The following DTNB variants were observed in gnomAD, a reference collection of about 807,000 sequenced individuals.
DTNB encodes dystrobrevin beta, also known as DTN-B.
Under a neutral mutation model 90.7 loss-of-function variants are expected in DTNB, and 63 were observed. The ratio of observed to expected loss-of-function variants is 0.69; its 90% CI spans 0.57 to 0.86. DTNB has a LOEUF of 0.86. Ranked by LOEUF, DTNB falls within the 40% of genes least tolerant of loss-of-function variation. The pLI is 0.00. For missense variants in DTNB, 744 were observed against 807.1 expected (o/e 0.92, Z 0.95); for synonymous variants, 277 against 286.7 (o/e 0.97, Z 0.34).
At chr2:25,386,085 T>C in intron 18 of DTNB, 1 of 985,496 alleles carries the variant, frequency 1.0e-6, no homozygotes, top group Non-Finnish European at 1.2e-6. Context: ...AGCGGGGCCG[T>C]GCTTCTGATG....
At chr2:25,620,949 C>A (rs2072424653) in intron 4 of DTNB, among the ~76,000 whole-genome samples, 3 of 152,166 alleles carry the variant, frequency 2.0e-5, no homozygotes, top group Admixed American at 6.5e-5. Context: ...ACTGCTTGAG[C>A]CCAGGAGTTC....
rs1463373953 is a variant in DTNB, at chr2:25,634,818, C to T, written c.148+4196G>A. Among the ~76,000 whole-genome samples the T allele has an allele frequency of 1.8e-5, 2 of 112,226 alleles. 1 individual carries two copies. The highest frequency in any genetic ancestry group is 1.1e-3 in the East Asian group (2 of 1,856). The allele number at this position is 112,226 out of a possible 152,430, so 73.6% of individuals were successfully genotyped here. A position where few individuals can be genotyped will look rare whatever the true frequency, so the allele number is the denominator to read the frequency against. On this transcript the variant is annotated intron_variant, in intron 3 of 20. Coordinates refer to ENST00000406818, the MANE Select transcript of DTNB (RefSeq NM_021907.5). ...CACTCAGGGTTAAATGGATTAAGGGCGGTGCAAGATGTGCTTTGTTAAACA... is the reference window on the plus strand; with the variant it reads ...CACTCAGGGTTAAATGGATTAAGGGTGGTGCAAGATGTGCTTTGTTAAACA...
chr2:25,572,521 G>A (rs935972792), intron 8 of DTNB, among the ~76,000 whole-genome samples: 2 of 151,184 alleles, frequency 1.3e-5, no homozygotes, highest in African/African-American at 4.9e-5. Context: ...AATATACAAC[G>A]GTGGAGCCGG....
chr2:25,665,628 A>C (rs1364758064), intron 1 of DTNB, among the ~76,000 whole-genome samples: 1 of 151,940 alleles, frequency 6.6e-6, no homozygotes, highest in Non-Finnish European at 1.5e-5. Context: ...TCCGTCTCAA[A>C]AAAAAAAAAA....
chr2:25,623,005 T>C (rs1236922036), intron 4 of DTNB, among the ~76,000 whole-genome samples: 1 of 152,084 alleles, frequency 6.6e-6, no homozygotes, highest in Non-Finnish European at 1.5e-5. Flanking sequence ...CAATAAACTC[T>C]TCCAAAAGGA....
At chr2:25,552,491 G>C (rs1427442264) in intron 8 of DTNB, among the ~76,000 whole-genome samples, 3 of 152,166 alleles carry the variant, frequency 2.0e-5, no homozygotes, top group Non-Finnish European at 4.4e-5. Flanking sequence ...CACTGGCCCT[G>C]GGCCCCTCAC....
At chr2:25,540,958 C>T (rs542791996) in intron 8 of DTNB, among the ~76,000 whole-genome samples, 5 of 151,608 alleles carry the variant, frequency 3.3e-5, no homozygotes, top group African/African-American at 9.7e-5. Context: ...GTTCACTTGT[C>T]TGCTGACCTT....
At chr2:25,638,507 TAAAG>T (rs1306400728) in intron 3 of DTNB, among the ~76,000 whole-genome samples, 1 of 152,110 alleles carries the variant, frequency 6.6e-6, no homozygotes, top group African/African-American at 2.4e-5. Context: ...TTCATGGAAA[TAAAG>T]AGAAGAAAGA....
intron 1 of DTNB, among the ~76,000 whole-genome samples, chr2:25,655,617 G>A (rs954670941): frequency 1.3e-5 from 2 of 152,108 alleles, no homozygotes; most frequent in Non-Finnish European, 2.9e-5. Flanking sequence ...GTCCTAACAT[G>A]CTACTAGAAT....
chr2:25,655,841 G>A (rs1302395053), intron 1 of DTNB, among the ~76,000 whole-genome samples: 1 of 152,020 alleles, frequency 6.6e-6, no homozygotes, highest in Admixed American at 6.6e-5. Context: ...TGACATACAC[G>A]CCTGTCAGGT....
chr2:25,417,320 C>T (rs1042910390), intron 16 of DTNB, among the ~76,000 whole-genome samples: 1 of 152,156 alleles, frequency 6.6e-6, no homozygotes, highest in Non-Finnish European at 1.5e-5. Flanking sequence ...TGATCTCACA[C>T]AGAATGAAAG....
rs140279678 is a variant in DTNB, at chr2:25,513,550, G to A, written c.1001+17923C>T. 6.7e-4 allele frequency among the ~76,000 whole-genome samples: 102 copies of A among 151,956 alleles called. 2 individuals carry two copies. In the East Asian group the frequency reaches 0.018, roughly 27 times the overall value. On this transcript the variant is annotated intron_variant, in intron 9 of 20. Transcript: ENST00000406818. ...TAGCCGGCCAACATGGTGAAACCCC[G>A]TCTCTACTAAAAATACAAAAAAATT...
intron 6 of DTNB, among the ~76,000 whole-genome samples, chr2:25,590,895 G>A (rs1187797361): frequency 6.6e-6 from 1 of 152,244 alleles, no homozygotes. Flanking sequence ...TCCTACTGCT[G>A]TTCATGGCAC....
intron 9 of DTNB, among the ~76,000 whole-genome samples, chr2:25,496,140 A>G: frequency 6.6e-6 from 1 of 152,268 alleles, no homozygotes; most frequent in East Asian, 1.9e-4. Flanking sequence ...GTTATTAACT[A>G]TAACAAATTA....
intron 8 of DTNB, among the ~76,000 whole-genome samples, chr2:25,554,046 C>T (rs2056856191): frequency 6.6e-6 from 1 of 152,106 alleles, no homozygotes; most frequent in African/African-American, 2.4e-5. Flanking sequence ...GTTCCATACA[C>T]ACCAACCCTG....
chr2:25,539,577 CTTTT>C (rs376900916), intron 8 of DTNB, among the ~76,000 whole-genome samples: 1 of 123,338 alleles, frequency 8.1e-6, no homozygotes, highest in Non-Finnish European at 1.7e-5. Context: ...ACTGGATTGC[CTTTT>C]TTTTTTTTTT....
chr2:25,568,944 C>A (rs920841694), intron 8 of DTNB, among the ~76,000 whole-genome samples: 28 of 152,206 alleles, frequency 1.8e-4, no homozygotes, highest in African/African-American at 6.8e-4. Context: ...CGGCCATGCT[C>A]TCCTGGACAA....
chr2:25,580,868 G>T, intron 6 of DTNB, 42 bp from the exon 7 acceptor site: 2 of 1,542,466 alleles, frequency 1.3e-6, no homozygotes, highest in Non-Finnish European at 1.8e-6. Context: ...AGTTTTTTAG[G>T]AATCTCCAAA....
intron 2 of DTNB, among the ~76,000 whole-genome samples, chr2:25,640,714 A>ATTTTG (rs2078080306): frequency 6.6e-6 from 1 of 152,042 alleles, no homozygotes; most frequent in African/African-American, 2.4e-5. Flanking sequence ...GTTTAAAACC[A>ATTTTG]GCCTTTTTTT....
Sources: allele counts gnomAD v4.1 joint callset (sites outside exome capture counted in the v4.1 genomes callset), GRCh38; gene constraint gnomAD v4.1.1; transcripts MANE v1.5; gene names NCBI Gene and HGNC (gene_info 2026-07-23, HGNC 2026-07-21).